The following BCORL1 variants were observed in gnomAD, a reference collection of about 807,000 sequenced individuals.
The protein encoded by BCORL1 is BCL-6 corepressor-like protein 1.
A neutral mutation model predicts 87.6 loss-of-function variants in BCORL1; 7 were observed. That is an observed-to-expected ratio of 0.08 (90% CI 0.05 to 0.15). The LOEUF (loss-of-function observed/expected upper bound fraction) is 0.15, where lower values mean the gene tolerates loss of function less well. BCORL1 is among the 10% of genes least tolerant of loss of function. BCORL1 has a pLI of 1.00. For synonymous variants in BCORL1, 591 were observed against 634.4 expected (o/e 0.93, Z 1.03); for missense variants, 1,215 against 1,499.7 (o/e 0.81, Z 3.13).
At position 130,039,016 on chromosome X, in the gene BCORL1, A is replaced by G. The variant is rs1030827691; in HGVS notation, c.4695-121A>G. 5 of 788,448 alleles carry G rather than the reference A, an allele frequency of 6.3e-6. No homozygotes were observed. In the Admixed American group the frequency reaches 1.4e-4, roughly 22 times the overall value. The allele number at this position is 788,448 out of a possible 1,213,427, so 65.0% of individuals were successfully genotyped here. A position where few individuals can be genotyped will look rare whatever the true frequency, so the allele number is the denominator to read the frequency against. ...GTTCCCTTGTCCTAAGTCTTAAACC[A>G]TATTACACCAAGGTTACCTGGGGGT... On this transcript the variant is annotated intron_variant, in intron 10 of 13. Coordinates refer to ENST00000540052, the MANE Select transcript of BCORL1 (RefSeq NM_001379451.1).
intron 1 of BCORL1, among the ~76,000 whole-genome samples, 193 bp from the exon 2 acceptor site, chrX:130,004,995 C>T (rs1928374203): frequency 8.9e-6 from 1 of 112,703 alleles, no homozygotes; most frequent in South Asian, 3.6e-4. Context: ...TCCTCATCTC[C>T]ATCCTGAAAC....
chrX:129,986,648 G>A (rs973679597), intron 1 of BCORL1, among the ~76,000 whole-genome samples: 3 of 110,656 alleles, frequency 2.7e-5, no homozygotes, highest in Non-Finnish European at 5.7e-5. Context: ...GTGAAACCCC[G>A]TTTCTACTAA....
At chrX:129,998,821 C>G (rs1296631024) in intron 1 of BCORL1, among the ~76,000 whole-genome samples, 2 of 111,092 alleles carry the variant, frequency 1.8e-5, no homozygotes, top group Admixed American at 9.7e-5. Context: ...CCCTCCCCTC[C>G]TCTCCTCTCA....
intron 1 of BCORL1, among the ~76,000 whole-genome samples, chrX:129,984,160 C>T (rs1288505114): frequency 4.9e-4 from 48 of 97,351 alleles, no homozygotes; most frequent in Non-Finnish European, 1.2e-4. Flanking sequence ...CCGGGGGCGG[C>T]GCTGCTGCCG....
intron 1 of BCORL1, among the ~76,000 whole-genome samples, chrX:130,003,306 G>A (rs1012188355): frequency 4.6e-5 from 5 of 109,672 alleles, no homozygotes; most frequent in Non-Finnish European, 9.5e-5. Context: ...CACCTAGACT[G>A]TGCCCTTGCC....
intron 1 of BCORL1, among the ~76,000 whole-genome samples, chrX:130,003,543 G>T (rs900150267): frequency 9.1e-6 from 1 of 109,896 alleles, no homozygotes; most frequent in Non-Finnish European, 1.9e-5. Context: ...GGCTAATTTT[G>T]TGTTTTTAGT....
intron 8 of BCORL1, among the ~76,000 whole-genome samples, chrX:130,033,227 G>A (rs975153093): frequency 8.2e-5 from 9 of 110,365 alleles, no homozygotes; most frequent in Admixed American, 9.7e-5. Flanking sequence ...AACTATAGGC[G>A]TGTACCACCA....
intron 1 of BCORL1, among the ~76,000 whole-genome samples, chrX:129,998,371 G>C (rs1927730499): frequency 9.3e-6 from 1 of 107,889 alleles, no homozygotes. Context: ...GTGGTGGGGG[G>C]AGGTGGGAAG....
rs190993389 is a variant in BCORL1 at position 130,014,369 on chromosome X, G to A, written c.1597G>A (p.Gly533Ser). The change falls in exon 4 of 14, where the codon GGT (glycine) becomes AGT (serine). Residue 533 changes from glycine (G) to serine (S), a missense_variant. Transcript: ENST00000540052. ...VNRLPCTSPS[G>S]STTTQPAPDG... The stretch of plus-strand genomic sequence containing the variant: ...CAGGCTCCCCTGCACTTCCCCATCC[G>A]GTAGCACCACCACCCAGCCTGCACC... The A allele has an allele frequency of 1.2e-5, 15 of 1,209,222 alleles. No homozygotes were observed. In the East Asian group the frequency reaches 2.4e-4, roughly 19 times the overall value.
At position 130,014,368 on chromosome X, in the gene BCORL1, C is replaced by T. The variant is rs184916457; in HGVS notation, c.1596C>T (p.Ser532=). Reference sequence around the variant, plus strand: ...ACAGGCTCCCCTGCACTTCCCCATCCGGTAGCACCACCACCCAGCCTGCAC... The same window carrying T: ...ACAGGCTCCCCTGCACTTCCCCATCTGGTAGCACCACCACCCAGCCTGCAC... The part of the protein sequence containing the change: ...EVNRLPCTSP[S]GSTTTQPAPD... Residue 532 remains serine (S), a synonymous_variant, in exon 4 of 14, where the codon TCC becomes TCT. Transcript: ENST00000540052. The T allele has an allele frequency of 2.1e-5, 25 of 1,209,533 alleles. No individual in the cohort carries two copies. Among genetic ancestry groups the T allele is most frequent in the Admixed American group, 8.7e-5 (4 of 45,724 alleles).
chrX:129,986,685 G>A (rs1227223746), intron 1 of BCORL1, among the ~76,000 whole-genome samples: 1 of 111,100 alleles, frequency 9.0e-6, no homozygotes, highest in Non-Finnish European at 1.9e-5. Flanking sequence ...CAGGTGTGGT[G>A]GGGCGTGCCT....
upstream of BCORL1, among the ~76,000 whole-genome samples, chrX:129,982,332 C>T (rs757203583): frequency 7.9e-4 from 88 of 111,514 alleles, no homozygotes; most frequent in African/African-American, 2.6e-3. Flanking sequence ...GTCCTCTCAG[C>T]GATCCCCTCC....
chrX:129,987,121 C>T (rs773401188), intron 1 of BCORL1, among the ~76,000 whole-genome samples: 1 of 111,796 alleles, frequency 8.9e-6, no homozygotes, highest in South Asian at 3.7e-4. Context: ...ACAATGTTTT[C>T]CAAAGTAAAC....
intron 2 of BCORL1, among the ~76,000 whole-genome samples, chrX:130,010,288 T>C (rs1485725434): frequency 3.6e-5 from 4 of 111,937 alleles, no homozygotes; most frequent in Non-Finnish European, 7.5e-5. Flanking sequence ...TCCCCTTGAG[T>C]ACTCCCCCTA....
Position 130,022,964 on chromosome X carries a change from G to A in BCORL1, c.3675G>A (p.Thr1225=), listed in dbSNP as rs775953849. ...DFIPVVLSTR[T]RSQSGSICSS... is the part of the protein sequence containing the mutation. ...TTCCTGTGGTTCTGAGCACCCGCAC[G>A]CGCAGTCAGTCTGGTGAGTGAGACT... Residue 1225 remains threonine (T), a synonymous_variant, in exon 6 of 14, where the codon ACG becomes ACA. Coordinates refer to ENST00000540052, the MANE Select transcript of BCORL1 (RefSeq NM_001379451.1). 11 of 1,206,416 alleles carry A rather than the reference G, an allele frequency of 9.1e-6. No individual in the cohort carries two copies. The Admixed American group carries it at 1.5e-4, about 17-fold the overall frequency.
intron 1 of BCORL1, among the ~76,000 whole-genome samples, chrX:129,997,465 C>A (rs1158085798): frequency 1.8e-5 from 2 of 111,209 alleles, no homozygotes; most frequent in Non-Finnish European, 3.8e-5. Context: ...CCACTACCCG[C>A]TCGCCCTCAG....
At chrX:130,011,581 G>GTCACTTTACCTTTC (rs1237329391) in intron 2 of BCORL1, among the ~76,000 whole-genome samples, 1 of 107,473 alleles carries the variant, frequency 9.3e-6, no homozygotes, top group African/African-American at 3.4e-5. Flanking sequence ...GGGGAGGGAG[G>GTCACTTTACCTTTC]CAGTCTGATG....
intron 8 of BCORL1, among the ~76,000 whole-genome samples, chrX:130,029,622 T>C (rs777983150): frequency 1.8e-5 from 2 of 108,986 alleles, no homozygotes; most frequent in Non-Finnish European, 3.8e-5. Context: ...CAGCTTGTTT[T>C]GGTGGTCGTG....
Position 130,013,854 on chromosome X carries a change from C to A in BCORL1, c.1082C>A (p.Thr361Asn). The change falls in exon 4 of 14, where the codon ACC (threonine) becomes AAC (asparagine). Residue 361 changes from threonine (T) to asparagine (N), a missense_variant. Thr to Asn is a moderately conservative substitution (Grantham distance 65). Around this residue, in one of 5 missense-constraint regions of BCORL1, gnomAD observed 861 missense variants for 1,010.0 expected, o/e 0.85. Coordinates refer to ENST00000540052, the MANE Select transcript of BCORL1 (RefSeq NM_001379451.1). ...CCGTCTGTGCCCATGCCCACTCCAA[C>A]CCCATCTTCCGGCCCACCTTCTACC... ...APPSVPMPTP[T>N]PSSGPPSTPT... 8.6e-7 allele frequency: 1 copy of A among 1,166,859 alleles called. No individual in the cohort carries two copies. Among genetic ancestry groups the A allele is most frequent in the East Asian group, 3.2e-5 (1 of 30,824 alleles).
Sources: gnomAD v4.1 joint callset for allele counts (sites outside exome capture counted in the v4.1 genomes callset) on GRCh38, gnomAD v4.1.1 for gene constraint, gnomAD v4.1.1 regional missense constraint, MANE v1.5 for transcripts, NCBI Gene and HGNC (gene_info 2026-07-23, HGNC 2026-07-21) for gene names.